The following DNER variants were observed in gnomAD, a reference collection of about 807,000 sequenced individuals.
DNER encodes delta and Notch-like epidermal growth factor-related receptor.
Under a neutral mutation model 78.2 loss-of-function variants are expected in DNER, and 33 were observed. The ratio of observed to expected loss-of-function variants is 0.42; its 90% CI spans 0.32 to 0.56. The LOEUF (loss-of-function observed/expected upper bound fraction) is 0.56. DNER is among the 20% of genes least tolerant of loss of function. The pLI is 0.11. For synonymous variants in DNER, 417 were observed against 384.8 expected, an observed-to-expected ratio of 1.08 and a Z score of -0.98; for missense variants, 918 against 975.3, an observed-to-expected ratio of 0.94 and a Z score of 0.78.
At chr2:229,466,600 T>C (rs999946677) in intron 7 of DNER, among the ~76,000 whole-genome samples, 15 of 152,262 alleles carry the variant, frequency 9.9e-5, no homozygotes, top group Admixed American at 5.2e-4. Context: ...ATAAGACCCA[T>C]GAGGCCGAAG....
chr2:229,545,743 G>A (rs1696615974), intron 5 of DNER, among the ~76,000 whole-genome samples: 1 of 152,230 alleles, frequency 6.6e-6, no homozygotes, highest in African/African-American at 2.4e-5. Context: ...CACATCTGCT[G>A]AAGAAAAAGT....
intron 4 of DNER, among the ~76,000 whole-genome samples, chr2:229,575,306 G>A (rs541311056): frequency 4.6e-5 from 7 of 152,232 alleles, no homozygotes; most frequent in African/African-American, 1.7e-4. Flanking sequence ...GGCCCAAATT[G>A]TAGAATATCT....
intron 6 of DNER, among the ~76,000 whole-genome samples, chr2:229,493,955 G>A (rs1695453803): frequency 6.6e-6 from 1 of 152,180 alleles, no homozygotes; most frequent in South Asian, 2.1e-4. Flanking sequence ...AGATTCCAGG[G>A]CAGACAGTAT....
chr2:229,484,065 A>C (rs59605241), intron 6 of DNER, among the ~76,000 whole-genome samples: 18,956 of 152,072 alleles, frequency 0.12, 1,309 homozygotes, highest in South Asian at 0.2. Context: ...TTTGGAGAGA[A>C]ACCTCTGGAC....
chr2:229,425,874 G>C (rs981456712), intron 8 of DNER, among the ~76,000 whole-genome samples: 19 of 152,168 alleles, frequency 1.2e-4, no homozygotes, highest in African/African-American at 4.6e-4. Context: ...GGACAACCAG[G>C]GGGAGGTCAT....
At chr2:229,379,955 C>T (rs552954861) in intron 11 of DNER, among the ~76,000 whole-genome samples, 3 of 152,298 alleles carry the variant, frequency 2.0e-5, no homozygotes, top group South Asian at 2.1e-4. Flanking sequence ...AAAGTTAATT[C>T]GAAGCCCATT....
chr2:229,628,592 G>A (rs1048512113), intron 1 of DNER, among the ~76,000 whole-genome samples: 11 of 152,206 alleles, frequency 7.2e-5, no homozygotes, highest in South Asian at 4.2e-4. Context: ...GCTCTGACGC[G>A]GTGGACAAGG....
intron 8 of DNER, among the ~76,000 whole-genome samples, chr2:229,432,046 A>T (rs2106355541): frequency 6.6e-6 from 1 of 152,330 alleles, no homozygotes; most frequent in South Asian, 2.1e-4. Context: ...TTTTAATGCA[A>T]ATGTTTGTAA....
chr2:229,476,017 C>T (rs1695028063), intron 7 of DNER, among the ~76,000 whole-genome samples: 2 of 152,130 alleles, frequency 1.3e-5, no homozygotes, highest in South Asian at 2.1e-4. Context: ...TCCAAGTTTT[C>T]GCATTTGTTT....
At chr2:229,388,677 G>A (rs111337737) in intron 10 of DNER, among the ~76,000 whole-genome samples, 2 of 133,986 alleles carry the variant, frequency 1.5e-5, no homozygotes, top group Non-Finnish European at 3.1e-5. Context: ...TTCCTTTAGT[G>A]TACTTAACTA....
Position 229,714,284 on chromosome 2 carries a change from G to A in DNER, c.140C>T (p.Pro47Leu), listed in dbSNP as rs1414659832. Residue 47 changes from proline (P) to leucine (L), a missense_variant, in exon 1 of 13, where the codon CCG becomes CTG. Physicochemically the swap from Pro to Leu is moderately conservative, Grantham distance 98 (BLOSUM62 -3). Transcript: ENST00000341772. ...VPAAPLSAPGPCAAQPCRNGG... is the reference protein window; with the variant it reads ...VPAAPLSAPGLCAAQPCRNGG... ...ATTCCGGCAGGGCTGCGCGGCGCAC[G>A]GCCCGGGCGCAGACAGGGGCGCGGC... 1 of 1,366,554 alleles carries A rather than the reference G, an allele frequency of 7.3e-7. No individual in the cohort carries two copies. Among genetic ancestry groups the A allele is most frequent in the Non-Finnish European group, 9.4e-7 (1 of 1,060,674 alleles). The allele number at this position is 1,366,554 out of a possible 1,614,324, so 84.7% of individuals were successfully genotyped here.
chr2:229,358,276 G>A lies in DNER; in HGVS notation c.*264C>T. Reference sequence around the variant, plus strand: ...AGAAATTAATCTGGGTCTCGTGATAGTGTCTACAGTGAAAAGAGCACACAC... The same window carrying A: ...AGAAATTAATCTGGGTCTCGTGATAATGTCTACAGTGAAAAGAGCACACAC... On this transcript the variant is annotated 3_prime_UTR_variant, in exon 13 of 13. Coordinates refer to ENST00000341772, the MANE Select transcript of DNER (RefSeq NM_139072.4). The A allele has an allele frequency of 4.3e-6, 1 of 233,310 alleles. No individual in the cohort carries two copies. The allele number at this position is 233,310 out of a possible 1,614,324, so 14.5% of individuals were successfully genotyped here. A position where few individuals can be genotyped will look rare whatever the true frequency, so the allele number is the denominator to read the frequency against.
chr2:229,477,212 T>A lies in DNER; in HGVS notation c.1189A>T (p.Ile397Phe). The change falls in exon 7 of 13, where the codon ATC becomes TTC. Residue 397 changes from isoleucine to phenylalanine, a missense_variant. Transcript: ENST00000341772. The stretch of plus-strand genomic sequence containing the variant: ...GCTCCATTTCTGCATGGGTCTAGGA[T>A]GCAGTAATCAATCTTGGACTGGCAA... ...ELCQSKIDYC[I>F]LDPCRNGATC... 1 of 1,613,960 alleles carries A rather than the reference T, an allele frequency of 6.2e-7. No individual in the cohort carries two copies. Among genetic ancestry groups the A allele is most frequent in the Non-Finnish European group, 8.5e-7 (1 of 1,179,928 alleles).
intron 5 of DNER, among the ~76,000 whole-genome samples, chr2:229,531,911 T>C (rs1696311420): frequency 6.6e-6 from 1 of 152,182 alleles, no homozygotes; most frequent in Admixed American, 6.5e-5. Flanking sequence ...AAAAGGTCCA[T>C]TCAATATGAT....
At chr2:229,544,897 G>C (rs971850486) in intron 5 of DNER, among the ~76,000 whole-genome samples, 1 of 152,196 alleles carries the variant, frequency 6.6e-6, no homozygotes, top group African/African-American at 2.4e-5. Flanking sequence ...GGTTTTCTAA[G>C]ATGACAAGAA....
intron 11 of DNER, among the ~76,000 whole-genome samples, chr2:229,382,421 C>A (rs772334829): frequency 6.6e-6 from 1 of 151,996 alleles, no homozygotes; most frequent in Non-Finnish European, 1.5e-5. Context: ...ATGAGTTTGA[C>A]GAATTGACAG....
chr2:229,712,028 T>C (rs1406080270), intron 1 of DNER, among the ~76,000 whole-genome samples: 2 of 152,164 alleles, frequency 1.3e-5, no homozygotes, highest in Non-Finnish European at 2.9e-5. Context: ...TAAGTTTTTC[T>C]GGGTAACCAA....
intron 7 of DNER, among the ~76,000 whole-genome samples, chr2:229,470,973 G>A (rs868102753): frequency 1.3e-5 from 2 of 152,134 alleles, no homozygotes; most frequent in Non-Finnish European, 2.9e-5. Flanking sequence ...ATTCCTAAAT[G>A]AAGTGGTGAT....
At chr2:229,659,810 T>C (rs753996513) in intron 1 of DNER, among the ~76,000 whole-genome samples, 4 of 152,174 alleles carry the variant, frequency 2.6e-5, no homozygotes, top group Non-Finnish European at 5.9e-5. Context: ...GTATGCATAA[T>C]GTTACTTGTT....
Sources: gnomAD v4.1 joint callset for allele counts (sites outside exome capture counted in the v4.1 genomes callset) on GRCh38, gnomAD v4.1.1 for gene constraint, MANE v1.5 for transcripts, NCBI Gene and HGNC (gene_info 2026-07-23, HGNC 2026-07-21) for gene names.